Variants in PVT1 observed in about 807,000 individuals in gnomAD.
PVT1 encodes CXCR4/PVT1 fusion.
intron 4 of PVT1, among the ~76,000 whole-genome samples, chr8:128,050,831 T>C (rs1264080075): frequency 6.6e-6 from 1 of 152,216 alleles, no homozygotes; most frequent in Non-Finnish European, 1.5e-5. Flanking sequence ...ACCCCACTGA[T>C]TATTCAAACT....
intron 1 of PVT1, chr8:127,795,680 G>A (rs1023445815): frequency 6.6e-6 from 1 of 152,196 alleles, no homozygotes; most frequent in African/African-American, 2.4e-5. Flanking sequence ...GTTTGTGTGT[G>A]GTGGGTGGGC....
At chr8:127,871,270 A>T (rs1815348953) in intron 2 of PVT1, among the ~76,000 whole-genome samples, 1 of 152,228 alleles carries the variant, frequency 6.6e-6, no homozygotes, top group African/African-American at 2.4e-5. Flanking sequence ...GTTAGCACAT[A>T]CAACTGCCTT....
At chr8:127,985,621 G>A (rs915386214) in intron 3 of PVT1, among the ~76,000 whole-genome samples, 4 of 152,150 alleles carry the variant, frequency 2.6e-5, no homozygotes, top group African/African-American at 9.6e-5. Flanking sequence ...AAGCGTGGGG[G>A]CCAGGCTCTG....
intron 5 of PVT1, among the ~76,000 whole-genome samples, chr8:128,092,965 C>G (rs1814379486): frequency 6.6e-6 from 1 of 152,178 alleles, no homozygotes; most frequent in African/African-American, 2.4e-5. Context: ...CCTCCTGTGG[C>G]TGAAATGCTG....
chr8:127,812,824 CAGTA>C (rs1442016139), intron 2 of PVT1, among the ~76,000 whole-genome samples: 2 of 152,098 alleles, frequency 1.3e-5, no homozygotes, highest in Non-Finnish European at 2.9e-5. Context: ...TGGAAAAACT[CAGTA>C]AGTCTCTGGC....
chr8:127,899,480 G>T (rs1208587262), intron 3 of PVT1, among the ~76,000 whole-genome samples: 1 of 152,144 alleles, frequency 6.6e-6, no homozygotes. Flanking sequence ...CTGGCTCCCC[G>T]TCTCTCAATG....
chr8:128,097,447 T>C (rs1360861429), intron 6 of PVT1, among the ~76,000 whole-genome samples: 1 of 152,128 alleles, frequency 6.6e-6, no homozygotes, highest in Non-Finnish European at 1.5e-5. Context: ...TTAAGAATAA[T>C]TTTTATGTCA....
intron 3 of PVT1, among the ~76,000 whole-genome samples, chr8:127,911,354 T>C (rs544434787): frequency 6.6e-6 from 1 of 152,008 alleles, no homozygotes; most frequent in Non-Finnish European, 1.5e-5. Context: ...GCAAGGGGAG[T>C]GCTCCTGTGT....
intron 3 of PVT1, chr8:127,948,387 T>C (rs931520630): frequency 2.4e-5 from 4 of 167,812 alleles, no homozygotes; most frequent in Admixed American, 1.7e-4. Flanking sequence ...TGTCATCCAA[T>C]TCTGTGTAGA....
intron 3 of PVT1, among the ~76,000 whole-genome samples, chr8:127,933,720 CT>C (rs900372174): frequency 2.0e-5 from 3 of 152,166 alleles, no homozygotes; most frequent in African/African-American, 7.2e-5. Context: ...TACTTGCTTG[CT>C]GCTTTCTCTG....
rs1814752731 is a variant in PVT1, at chr8:127,823,233, T to C, written n.372+27162T>C. Among the ~76,000 whole-genome samples the C allele has an allele frequency of 2.0e-5, 3 of 152,142 alleles. No individual in the cohort carries two copies. The South Asian group carries it at 6.2e-4, about 32-fold the overall frequency. ...CTCAATGGGGATGTGGATTCTTGTGTCAGGTTGTTGGGGAGGCTTTAGGCT... is the reference window on the plus strand; with the variant it reads ...CTCAATGGGGATGTGGATTCTTGTGCCAGGTTGTTGGGGAGGCTTTAGGCT... On this transcript the variant is annotated intron_variant and non_coding_transcript_variant, in intron 2 of 10. Coordinates refer to ENST00000651587, the Ensembl canonical transcript of PVT1.
At position 128,009,375 on chromosome 8, in the gene PVT1, G is replaced by T. The variant is rs184461508; in HGVS notation, n.912+20084G>T. The stretch of plus-strand genomic sequence containing the variant: ...TTCTATATGTCCTGCATAAGAACAA[G>T]TATCTTTATATAAGAAATGTGTTTA... On this transcript the variant is annotated intron_variant and non_coding_transcript_variant, in intron 4 of 10. Transcript: ENST00000651587. 2.0e-5 allele frequency among the ~76,000 whole-genome samples: 3 copies of T among 152,140 alleles called. No individual in the cohort carries two copies. The East Asian group carries it at 5.8e-4, about 29-fold the overall frequency.
At chr8:127,933,635 C>T (rs1350047518) in intron 3 of PVT1, among the ~76,000 whole-genome samples, 6 of 152,138 alleles carry the variant, frequency 3.9e-5, no homozygotes, top group South Asian at 2.1e-4. Flanking sequence ...AAGATGAAGC[C>T]TCTCTGGGTT....
intron 2 of PVT1, among the ~76,000 whole-genome samples, chr8:127,875,955 G>C (rs865898167): frequency 6.6e-6 from 1 of 152,232 alleles, no homozygotes; most frequent in Non-Finnish European, 1.5e-5. Flanking sequence ...TAAGTCCTCT[G>C]AAACAGGGTT....
rs143059315 is a variant in PVT1 at position 128,040,477 on chromosome 8, A to G, written n.913-29683A>G. 2.4e-4 allele frequency among the ~76,000 whole-genome samples: 36 copies of G among 152,306 alleles called. 1 individual carries two copies. The East Asian group carries it at 6.7e-3, about 29-fold the overall frequency. ...CTCTCTTTCTGTCTCTCTCTTCAAC[A>G]TACACACATCCTACTGATTCTGTTT... On this transcript the variant is annotated intron_variant and non_coding_transcript_variant, in intron 4 of 10. Transcript: ENST00000651587.
chr8:128,076,022 G>A (rs148472616), intron 5 of PVT1, among the ~76,000 whole-genome samples: 96 of 152,234 alleles, frequency 6.3e-4, no homozygotes, highest in African/African-American at 2.3e-3. Context: ...TTGTCAGAGG[G>A]ACCAGAGTTT....
chr8:127,866,302 G>T (rs964565192), intron 2 of PVT1, among the ~76,000 whole-genome samples: 1 of 152,166 alleles, frequency 6.6e-6, no homozygotes, highest in African/African-American at 2.4e-5. Flanking sequence ...AGCTGTCTGT[G>T]TAGGGAGCAT....
At chr8:127,796,798 T>C (rs971115409) in intron 2 of PVT1, among the ~76,000 whole-genome samples, 5 of 152,116 alleles carry the variant, frequency 3.3e-5, no homozygotes, top group Admixed American at 2.0e-4. Flanking sequence ...GTGGCCCTTC[T>C]GGATGTGTGG....
At chr8:127,956,633 C>T (rs185764223) in intron 3 of PVT1, among the ~76,000 whole-genome samples, 65 of 152,306 alleles carry the variant, frequency 4.3e-4, no homozygotes, top group South Asian at 4.1e-4. Context: ...TACAGGCACG[C>T]GCCACCACGC....
Sources: gnomAD v4.1 joint callset for allele counts (sites outside exome capture counted in the v4.1 genomes callset) on GRCh38, gnomAD v4.1.1 for gene constraint, MANE v1.5 for transcripts, NCBI Gene and HGNC (gene_info 2026-07-23, HGNC 2026-07-21) for gene names.